The following TNFAIP8L3 variants were observed in gnomAD, a reference collection of about 807,000 sequenced individuals.
The protein encoded by TNFAIP8L3 is tumor necrosis factor alpha-induced protein 8-like protein 3.
Under a neutral mutation model 11.8 loss-of-function variants are expected in TNFAIP8L3, and 7 were observed. The observed-to-expected ratio is 0.59, with a 90% CI of 0.34 to 1.11. The LOEUF (loss-of-function observed/expected upper bound fraction) is 1.11. TNFAIP8L3 is among the 50% of genes most tolerant of loss of function. TNFAIP8L3 has a pLI of 0.03. For synonymous variants in TNFAIP8L3, 98 were observed against 103.8 expected (o/e 0.94, Z 0.34); for missense variants, 219 against 258.6 (o/e 0.85, Z 1.05).
chr15:51,101,560 GC>G (rs1273286372), intron 1 of TNFAIP8L3, among the ~76,000 whole-genome samples: 1 of 151,710 alleles, frequency 6.6e-6, no homozygotes, highest in African/African-American at 2.4e-5. Context: ...GGTTGAGGTT[GC>G]AGTTAGCTGA....
intron 1 of TNFAIP8L3, among the ~76,000 whole-genome samples, chr15:51,102,443 G>C (rs1015326120): frequency 6.6e-6 from 1 of 152,206 alleles, no homozygotes; most frequent in Non-Finnish European, 1.5e-5. Context: ...GCCAAGTGTT[G>C]AGTGGAACCT....
At position 51,104,955 on chromosome 15, in the gene TNFAIP8L3, C is replaced by G. The variant is rs772597362; in HGVS notation, c.172+50G>C. On this transcript the variant is annotated intron_variant, in intron 1 of 2. Transcript: ENST00000327536. The stretch of plus-strand genomic sequence containing the variant: ...GCCACCTTGCATGCTTTGCACAAGC[C>G]TCCCCGCCCCTATACTTCCTTCTCT... 59 of 1,612,040 alleles carry G rather than the reference C, an allele frequency of 3.7e-5. No individual in the cohort carries two copies. The South Asian group carries it at 6.5e-4, about 18-fold the overall frequency.
intron 1 of TNFAIP8L3, among the ~76,000 whole-genome samples, chr15:51,101,485 G>T (rs1356782802): frequency 6.6e-6 from 1 of 152,098 alleles, no homozygotes; most frequent in Non-Finnish European, 1.5e-5. Context: ...GCCCAGCGTG[G>T]TGGTGCATGC....
chr15:51,100,352 A>G (rs2065541651), intron 1 of TNFAIP8L3, among the ~76,000 whole-genome samples: 1 of 151,824 alleles, frequency 6.6e-6, no homozygotes, highest in Non-Finnish European at 1.5e-5. Flanking sequence ...GTGGAGTGAC[A>G]CAGAGCTCTG....
chr15:51,103,176 G>A (rs564424561), intron 1 of TNFAIP8L3, among the ~76,000 whole-genome samples: 2 of 152,196 alleles, frequency 1.3e-5, no homozygotes, highest in South Asian at 4.1e-4. Flanking sequence ...CAATCTGCCT[G>A]GTTGAAGCTA....
At chr15:51,085,672 T>C (rs1425744125) in intron 1 of TNFAIP8L3, among the ~76,000 whole-genome samples, 1 of 151,592 alleles carries the variant, frequency 6.6e-6, no homozygotes, top group African/African-American at 2.4e-5. Flanking sequence ...AAAGAAGCCA[T>C]GGGATCTGGC....
At chr15:51,077,094 T>C (rs2140972553) in intron 1 of TNFAIP8L3, among the ~76,000 whole-genome samples, 1 of 152,286 alleles carries the variant, frequency 6.6e-6, no homozygotes, top group Middle Eastern at 3.4e-3. Context: ...CAGCTTTCCT[T>C]ATCTGTGACT....
intron 1 of TNFAIP8L3, among the ~76,000 whole-genome samples, chr15:51,077,244 G>C (rs1347696942): frequency 2.6e-5 from 4 of 152,234 alleles, no homozygotes; most frequent in African/African-American, 9.6e-5. Flanking sequence ...CTCTCCCCAA[G>C]GCCTCTTCCT....
chr15:51,072,288 G>GC (rs2140969707), intron 1 of TNFAIP8L3, among the ~76,000 whole-genome samples: 1 of 152,236 alleles, frequency 6.6e-6, no homozygotes, highest in African/African-American at 2.4e-5. Context: ...TTACAGGCAT[G>GC]CACCACCATG....
intron 1 of TNFAIP8L3, among the ~76,000 whole-genome samples, chr15:51,069,044 C>T (rs1025670720): frequency 3.3e-5 from 5 of 152,120 alleles, no homozygotes; most frequent in African/African-American, 9.6e-5. Context: ...TGCAATAGGA[C>T]GGGGGCAGAG....
At chr15:51,101,299 T>A (rs2065548640) in intron 1 of TNFAIP8L3, among the ~76,000 whole-genome samples, 1 of 152,214 alleles carries the variant, frequency 6.6e-6, no homozygotes, top group African/African-American at 2.4e-5. Context: ...TGTAGCCAGT[T>A]ACCTGCATTG....
At chr15:51,092,555 G>A (rs1380837415) in intron 1 of TNFAIP8L3, among the ~76,000 whole-genome samples, 1 of 152,350 alleles carries the variant, frequency 6.6e-6, no homozygotes, top group African/African-American at 2.4e-5. Context: ...TTCAACGTGT[G>A]AGATTCAAGC....
At chr15:51,061,951 C>A (rs1001164674) in intron 1 of TNFAIP8L3, among the ~76,000 whole-genome samples, 1 of 152,036 alleles carries the variant, frequency 6.6e-6, no homozygotes, top group Non-Finnish European at 1.5e-5. Context: ...CTTTGTTTGC[C>A]AGGAGGTTTT....
chr15:51,058,404 G>C lies in TNFAIP8L3; in HGVS notation c.92C>G (p.Ala31Gly), dbSNP rs777937591. The change falls in exon 2 of 2, where the codon GCC becomes GGC. Residue 31 changes from alanine to glycine, a missense_variant. By Grantham distance (60) the Ala-to-Gly change is moderately conservative. Coordinates refer to ENST00000637513, the MANE Select transcript of TNFAIP8L3 (RefSeq NM_001311175.2). ...TATTTTGCTCAGAATCTTCTTCTGG[G>C]CTTGAAGCGCAAGACTCTTTGAACT... ...VFSSKSLALQ[A>G]QKKILSKIAS... The C allele has an allele frequency of 6.2e-7, 1 of 1,610,984 alleles. No homozygotes were observed. Among genetic ancestry groups the C allele is most frequent in the South Asian group, 1.1e-5 (1 of 90,776 alleles).
upstream of TNFAIP8L3, among the ~76,000 whole-genome samples, chr15:51,099,809 A>G (rs530891725): frequency 9.8e-5 from 15 of 152,334 alleles, no homozygotes; most frequent in Admixed American, 9.1e-4. Flanking sequence ...AGAAGACGGA[A>G]TCAAGACCCA....
intron 1 of TNFAIP8L3, among the ~76,000 whole-genome samples, chr15:51,087,055 A>G (rs2065433689): frequency 6.6e-6 from 1 of 151,998 alleles, no homozygotes; most frequent in South Asian, 2.1e-4. Flanking sequence ...TGCCCAGCTA[A>G]TTTTTGTATT....
At chr15:51,096,001 T>C (rs545697817), upstream of TNFAIP8L3, among the ~76,000 whole-genome samples, 1 of 152,352 alleles carries the variant, frequency 6.6e-6, no homozygotes, top group East Asian at 1.9e-4. Context: ...TTTTTGGAAG[T>C]AGAATATGGT....
At chr15:51,091,717 C>CACACACACAT (rs1555468557) in intron 1 of TNFAIP8L3, among the ~76,000 whole-genome samples, 1 of 148,954 alleles carries the variant, frequency 6.7e-6, no homozygotes, top group South Asian at 2.2e-4. Flanking sequence ...CACACACACA[C>CACACACACAT]GTGCACACAC....
rs181824866 is a variant in TNFAIP8L3, at chr15:51,091,289, C to T, written c.52+3255G>A. ...TGCTCTATGAGAGATCTGCTCTGCA[C>T]GCACAAAGTGGGGGGAACTTTGGAA... On this transcript the variant is annotated intron_variant, in intron 1 of 1. Coordinates refer to ENST00000637513, the MANE Select transcript of TNFAIP8L3 (RefSeq NM_001311175.2). Among the ~76,000 whole-genome samples the T allele has an allele frequency of 5.4e-4, 83 of 152,294 alleles. 1 individual carries two copies. The highest frequency in any genetic ancestry group is 2.2e-4 in the Non-Finnish European group (15 of 68,034).
Sources: allele counts gnomAD v4.1 joint callset (sites outside exome capture counted in the v4.1 genomes callset), GRCh38; gene constraint gnomAD v4.1.1; transcripts MANE v1.5; gene names NCBI Gene and HGNC (gene_info 2026-07-23, HGNC 2026-07-21).